DOCK4: variants seen among roughly 807,000 people sequenced by gnomAD.
The protein encoded by DOCK4 is dedicator of cytokinesis protein 4.
Under a neutral mutation model 268.1 loss-of-function variants are expected in DOCK4, and 97 were observed. The ratio of observed to expected loss-of-function variants is 0.36; its 90% CI spans 0.31 to 0.43. The LOEUF is 0.43. Ranked by LOEUF, DOCK4 falls within the 20% of genes least tolerant of loss-of-function variation. The pLI is 1.00. For synonymous variants in DOCK4, 954 were observed against 887.2 expected (o/e 1.08, Z -1.34); for missense variants, 2,145 against 2,455.7 (o/e 0.87, Z 2.67).
chr7:111,741,565 C>T lies in DOCK4; in HGVS notation c.4894G>A (p.Gly1632Ser), dbSNP rs1488048647. The T allele has an allele frequency of 5.0e-6, 8 of 1,613,292 alleles. No individual in the cohort carries two copies. The highest frequency in any genetic ancestry group is 1.7e-5 in the Admixed American group (1 of 59,930). The change falls in exon 46 of 53, where the codon GGT becomes AGT. Residue 1632 changes from glycine (G) to serine (S), a missense_variant. This residue lies in a region of DOCK4 where 547 missense variants were observed against 469.0 expected (regional missense o/e 1.17). Transcript: ENST00000428084. ...NSAPASVSPDGTRVIPRRSPL... is the reference protein window; with the variant it reads ...NSAPASVSPDSTRVIPRRSPL... Reference sequence around the variant, plus strand: ...CTGCGTCTAGGAATTACCCTGGTACCATCTGGGCTCACAGAAGCAGGTGCT... The same window carrying T: ...CTGCGTCTAGGAATTACCCTGGTACTATCTGGGCTCACAGAAGCAGGTGCT...
intron 16 of DOCK4, among the ~76,000 whole-genome samples, chr7:111,884,850 G>A (rs1807703749): frequency 6.6e-6 from 1 of 152,156 alleles, no homozygotes; most frequent in African/African-American, 2.4e-5. Flanking sequence ...CAAGAGCAGT[G>A]AATAATACAA....
At chr7:111,840,902 T>C in intron 25 of DOCK4, 1 of 1,229,322 alleles carries the variant, frequency 8.1e-7, no homozygotes, top group Non-Finnish European at 1.1e-6. Flanking sequence ...ATTCAACAGA[T>C]CTTCAGTCTC....
At chr7:111,730,293 A>T (rs2133358351) in intron 52 of DOCK4, among the ~76,000 whole-genome samples, 1 of 152,356 alleles carries the variant, frequency 6.6e-6, no homozygotes, top group South Asian at 2.1e-4. Context: ...GAATAAAGGA[A>T]TACAAATAAT....
chr7:111,994,060 A>G (rs1458877483), intron 5 of DOCK4, 75 bp downstream of exon 5: 1 of 935,060 alleles, frequency 1.1e-6, no homozygotes, highest in African/African-American at 1.6e-5. Flanking sequence ...ATATTAGTTA[A>G]TGCTTACTCA....
Position 111,915,825 on chromosome 7 carries a change from T to C in DOCK4, c.1146A>G (p.Gly382=), listed in dbSNP as rs1171655135. ...ATCCCAGCTTCCTTGTTATGGATAC[T>C]CCATGAGAAAATACTGATGAATATT... ...RREYSSVFSH[G]VSITRKLGFS... Residue 382 remains glycine (G), a synonymous_variant, in exon 13 of 53, where the codon GGA becomes GGG. Transcript: ENST00000428084. The C allele has an allele frequency of 3.7e-6, 6 of 1,612,970 alleles. No individual in the cohort carries two copies. Among genetic ancestry groups the C allele is most frequent in the Middle Eastern group, 1.7e-4 (1 of 6,060 alleles).
chr7:112,043,227 A>T (rs1008449106), intron 1 of DOCK4, among the ~76,000 whole-genome samples: 1 of 141,412 alleles, frequency 7.1e-6, no homozygotes, highest in Admixed American at 6.8e-5. Flanking sequence ...CTGTTACTAA[A>T]TCTCCTTTAT....
intron 13 of DOCK4, among the ~76,000 whole-genome samples, chr7:111,905,491 G>A (rs1791486131): frequency 1.3e-5 from 2 of 152,172 alleles, no homozygotes; most frequent in African/African-American, 2.4e-5. Flanking sequence ...AGAGTTCAGT[G>A]ACTGCAGTCA....
chr7:111,978,216 A>G (rs552838797), intron 7 of DOCK4, among the ~76,000 whole-genome samples: 61 of 152,256 alleles, frequency 4.0e-4, no homozygotes, highest in African/African-American at 1.4e-3. Context: ...GATGAATGGA[A>G]GCAAAGACCC....
chr7:111,976,123 A>C (rs2135112269), intron 8 of DOCK4, among the ~76,000 whole-genome samples: 1 of 125,854 alleles, frequency 7.9e-6, no homozygotes, highest in East Asian at 2.4e-4. Flanking sequence ...CCTGGGTGAC[A>C]GAGCAAGACT....
At chr7:112,082,165 A>C (rs1305889473) in intron 1 of DOCK4, among the ~76,000 whole-genome samples, 1 of 152,174 alleles carries the variant, frequency 6.6e-6, no homozygotes, top group Non-Finnish European at 1.5e-5. Context: ...GTAGTAATGA[A>C]ATATTGAACC....
intron 12 of DOCK4, among the ~76,000 whole-genome samples, chr7:111,918,478 A>G (rs1328016628): frequency 6.6e-6 from 1 of 152,202 alleles, no homozygotes; most frequent in Non-Finnish European, 1.5e-5. Context: ...GATGGAGACA[A>G]CTATCATCAG....
chr7:111,991,228 T>C (rs897720283), intron 5 of DOCK4, among the ~76,000 whole-genome samples: 3 of 152,166 alleles, frequency 2.0e-5, no homozygotes, highest in African/African-American at 7.2e-5. Context: ...TGAAAATCAG[T>C]TGGTCAGCTC....
intron 27 of DOCK4, among the ~76,000 whole-genome samples, chr7:111,813,679 C>A (rs930005091): frequency 2.0e-5 from 3 of 152,146 alleles, no homozygotes; most frequent in African/African-American, 7.2e-5. Flanking sequence ...CCCTAAATGG[C>A]AGATATCATC....
At chr7:112,123,465 T>A (rs1208679946) in intron 1 of DOCK4, among the ~76,000 whole-genome samples, 2 of 152,150 alleles carry the variant, frequency 1.3e-5, no homozygotes, top group African/African-American at 4.8e-5. Flanking sequence ...AAAAGGACCA[T>A]GAACACATCT....
chr7:111,998,980 T>C (rs1463112185), intron 3 of DOCK4, among the ~76,000 whole-genome samples: 2 of 152,140 alleles, frequency 1.3e-5, no homozygotes, highest in Non-Finnish European at 1.5e-5. Context: ...GTATTCTGTG[T>C]TATGGAAGAT....
chr7:111,992,889 A>G (rs1799647341), intron 5 of DOCK4, among the ~76,000 whole-genome samples: 1 of 152,132 alleles, frequency 6.6e-6, no homozygotes, highest in African/African-American at 2.4e-5. Flanking sequence ...TAATACTTGG[A>G]TTTTGAATTC....
intron 1 of DOCK4, among the ~76,000 whole-genome samples, chr7:112,078,630 T>A (rs560509376): frequency 1.3e-5 from 2 of 152,238 alleles, no homozygotes; most frequent in African/African-American, 4.8e-5. Flanking sequence ...TCCCCAAAGC[T>A]GAAATGGTCA....
rs201589248 is a variant in DOCK4, at chr7:111,934,516, T to TG, written c.1066+1023dup. Among the ~76,000 whole-genome samples, 697 of 136,888 alleles carry TG rather than the reference T, an allele frequency of 5.1e-3. 5 individuals carry two copies. The highest frequency in any genetic ancestry group is 0.021 in the African/African-American group (674 of 32,808). 89.8% of individuals were successfully genotyped at this position (136,888 alleles called of 152,430 possible). A position where few individuals can be genotyped will look rare whatever the true frequency, so the allele number is the denominator to read the frequency against. ...ATAGGCAGCGAAGCATGTTTTGTTT[T>TG]GTTTTTGTTTTTTTTTTTTTTTTTT... On this transcript the variant is annotated intron_variant, in intron 12 of 52. Transcript: ENST00000428084.
Position 111,994,305 on chromosome 7 carries a change from A to G in DOCK4, c.219-74T>C, listed in dbSNP as rs530280237. 1,482 of 960,646 alleles carry G rather than the reference A, an allele frequency of 1.5e-3. 5 individuals carry two copies. Among genetic ancestry groups the G allele is most frequent in the Admixed American group, 2.3e-3 (96 of 40,870 alleles). The allele number at this position is 960,646 out of a possible 1,614,324, so 59.5% of individuals were successfully genotyped here. A position where few individuals can be genotyped will look rare whatever the true frequency, so the allele number is the denominator to read the frequency against. ...AATTTTGTTTTAAATACTCTAAAAG[A>G]TAACTAGAAAAGAAAGCTGCCTAGC... is the stretch of plus-strand genomic sequence containing the variant. On this transcript the variant is annotated intron_variant, in intron 4 of 52. Transcript: ENST00000428084.
Sources: allele counts gnomAD v4.1 joint callset (sites outside exome capture counted in the v4.1 genomes callset), GRCh38; gene constraint gnomAD v4.1.1; regional missense constraint gnomAD v4.1.1; transcripts MANE v1.5; gene names NCBI Gene and HGNC (gene_info 2026-07-23, HGNC 2026-07-21).